Variants in NTM observed in about 807,000 individuals in gnomAD.
NTM encodes IgLON family member 2.
A neutral mutation model predicts 42.1 loss-of-function variants in NTM; 13 were observed. The ratio of observed to expected loss-of-function variants is 0.31; its 90% confidence interval spans 0.20 to 0.49. NTM has a LOEUF of 0.49. Ranked by LOEUF, NTM falls within the 20% of genes least tolerant of loss-of-function variation. The probability of loss-of-function intolerance (pLI) is 0.99; values close to 1 mark genes in which losing one functional copy is unlikely to be tolerated. For missense variants in NTM, 373 were observed against 452.8 expected (o/e 0.82, Z 1.60); for synonymous variants, 187 against 179.2 (o/e 1.04, Z -0.35).
intron 3 of NTM, among the ~76,000 whole-genome samples, chr11:132,165,811 T>C (rs906643179): frequency 2.6e-5 from 4 of 152,208 alleles, no homozygotes; most frequent in African/African-American, 9.6e-5. Flanking sequence ...GGTCTTCTTC[T>C]TTTATTTCTT....
chr11:132,195,286 G>T (rs2080001768), intron 3 of NTM, among the ~76,000 whole-genome samples: 1 of 152,028 alleles, frequency 6.6e-6, no homozygotes, highest in Non-Finnish European at 1.5e-5. Flanking sequence ...ACTGCTGAAA[G>T]AAATCAGAAA....
chr11:132,174,571 G>T (rs1355038509), intron 3 of NTM, among the ~76,000 whole-genome samples: 1 of 152,234 alleles, frequency 6.6e-6, no homozygotes, highest in Non-Finnish European at 1.5e-5. Flanking sequence ...TATGGAGGGG[G>T]CTGCCTTCAG....
intron 1 of NTM, among the ~76,000 whole-genome samples, chr11:131,544,769 C>T (rs1365752167): frequency 6.6e-6 from 1 of 152,184 alleles, no homozygotes; most frequent in Admixed American, 6.5e-5. Flanking sequence ...GAAGAGTGGA[C>T]GTGTGAGTCT....
At chr11:131,701,780 C>T (rs79363671) in intron 1 of NTM, among the ~76,000 whole-genome samples, 3,731 of 152,188 alleles carry the variant, frequency 0.025, 152 homozygotes, top group African/African-American at 0.085. Flanking sequence ...GCTGTCTCTA[C>T]TCCATCAGAT....
chr11:131,959,689 A>G (rs781251802), intron 2 of NTM, among the ~76,000 whole-genome samples: 2 of 152,194 alleles, frequency 1.3e-5, no homozygotes, highest in African/African-American at 2.4e-5. Context: ...CACCTCATCA[A>G]CCACTCTGAC....
intron 1 of NTM, among the ~76,000 whole-genome samples, chr11:131,891,383 G>A (rs911328364): frequency 1.3e-5 from 2 of 152,206 alleles, no homozygotes; most frequent in Non-Finnish European, 2.9e-5. Context: ...ATAAGACAGG[G>A]TTGACCACAA....
chr11:131,775,713 A>C (rs943260425), intron 1 of NTM, among the ~76,000 whole-genome samples: 14 of 152,178 alleles, frequency 9.2e-5, no homozygotes, highest in African/African-American at 3.1e-4. Context: ...CAGCATGAAA[A>C]AAATTGTATA....
chr11:132,334,925 G>C, intron 8 of NTM, 121 bp from the exon 9 acceptor site: 2 of 1,481,218 alleles, frequency 1.4e-6, no homozygotes, highest in African/African-American at 2.8e-5. Context: ...GGAACACCAT[G>C]TGTTTCACTT....
chr11:132,071,678 A>T (rs988749139), intron 2 of NTM, among the ~76,000 whole-genome samples: 2 of 152,052 alleles, frequency 1.3e-5, no homozygotes, highest in Admixed American at 6.5e-5. Flanking sequence ...GACCCAGATG[A>T]GCTTCAGTGG....
At chr11:131,825,430 G>A (rs2042011107) in intron 1 of NTM, among the ~76,000 whole-genome samples, 1 of 152,192 alleles carries the variant, frequency 6.6e-6, no homozygotes, top group African/African-American at 2.4e-5. Context: ...AATCTGGGAT[G>A]AGGCTGGATA....
chr11:132,206,390 T>C (rs914523519), intron 3 of NTM, among the ~76,000 whole-genome samples: 1 of 152,216 alleles, frequency 6.6e-6, no homozygotes, highest in African/African-American at 2.4e-5. Flanking sequence ...GTCCATTCTG[T>C]GTTGACACTG....
chr11:131,526,423 C>T lies in NTM; in HGVS notation c.82+155535C>T, dbSNP rs566326998. Reference sequence around the variant, plus strand: ...GATGGGAGCGTGCATCTCCAATGTCCGCTTGGATTGTCAGCTTTCTTTGGA... The same window carrying T: ...GATGGGAGCGTGCATCTCCAATGTCTGCTTGGATTGTCAGCTTTCTTTGGA... On this transcript the variant is annotated intron_variant, in intron 1 of 8. Coordinates refer to ENST00000683400, the MANE Select transcript of NTM (RefSeq NM_001352005.2). Among the ~76,000 whole-genome samples the T allele has an allele frequency of 5.3e-5, 8 of 152,272 alleles. No individual in the cohort carries two copies. The East Asian group carries it at 5.8e-4, about 11-fold the overall frequency.
intron 1 of NTM, among the ~76,000 whole-genome samples, chr11:131,475,318 T>C (rs1952814885): frequency 6.6e-6 from 1 of 152,230 alleles, no homozygotes; most frequent in African/African-American, 2.4e-5. Flanking sequence ...GGGTTATTCC[T>C]CTGATTTTCT....
At chr11:131,477,283 G>A (rs181411588) in intron 1 of NTM, among the ~76,000 whole-genome samples, 4 of 152,218 alleles carry the variant, frequency 2.6e-5, no homozygotes, top group Admixed American at 6.5e-5. Context: ...AGAATACAGC[G>A]GAAGCAGTGA....
intron 1 of NTM, among the ~76,000 whole-genome samples, chr11:131,762,428 A>G (rs1227294452): frequency 6.6e-6 from 1 of 152,214 alleles, no homozygotes; most frequent in Non-Finnish European, 1.5e-5. Flanking sequence ...TGAGTTCTAC[A>G]TGTTCTTCAT....
At chr11:132,125,276 GGTGTGTGTTTGTGTGTGTGT>G (rs1591665662) in intron 2 of NTM, among the ~76,000 whole-genome samples, 2 of 90,950 alleles carry the variant, frequency 2.2e-5, no homozygotes, top group East Asian at 4.6e-4. Context: ...ATAATGTACT[GGTGTGTGTTTGTGTGTGTGT>G]GTGTGTGTGG....
At chr11:131,886,611 G>A (rs1051494970) in intron 1 of NTM, among the ~76,000 whole-genome samples, 1 of 152,228 alleles carries the variant, frequency 6.6e-6, no homozygotes, top group Non-Finnish European at 1.5e-5. Flanking sequence ...ACTCGGCAGG[G>A]ATTGCTGTTT....
chr11:131,576,220 C>A (rs1045077643), intron 1 of NTM, among the ~76,000 whole-genome samples: 1 of 152,176 alleles, frequency 6.6e-6, no homozygotes, highest in Non-Finnish European at 1.5e-5. Context: ...ACATTGGCTG[C>A]ATATTCTATA....
intron 4 of NTM, among the ~76,000 whole-genome samples, chr11:132,227,000 T>C (rs1232293804): frequency 6.6e-6 from 1 of 152,084 alleles, no homozygotes; most frequent in Non-Finnish European, 1.5e-5. Context: ...AAATGTTGAG[T>C]AGATAGTTGA....
Sources: allele counts gnomAD v4.1 joint callset (sites outside exome capture counted in the v4.1 genomes callset), GRCh38; gene constraint gnomAD v4.1.1; transcripts MANE v1.5; gene names NCBI Gene and HGNC (gene_info 2026-07-23, HGNC 2026-07-21).